KCNQ5: variants seen among roughly 807,000 people sequenced by gnomAD.
KCNQ5 encodes potassium voltage-gated channel subfamily Q member 5.
KCNQ5 carries 30 observed loss-of-function variants against 98.2 expected under a neutral mutation model. The observed-to-expected ratio is 0.31, with a 90% CI of 0.23 to 0.41. The LOEUF (loss-of-function observed/expected upper bound fraction) is 0.41. KCNQ5 is among the 10% of genes least tolerant of loss of function. The pLI is 1.00. For missense variants in KCNQ5, 835 were observed against 1,182.5 expected (o/e 0.71, Z 4.31); for synonymous variants, 458 against 449.4 (o/e 1.02, Z -0.24).
At chr6:72,786,042 T>A (rs1007395038) in intron 1 of KCNQ5, among the ~76,000 whole-genome samples, 13 of 152,234 alleles carry the variant, frequency 8.5e-5, no homozygotes, top group Non-Finnish European at 8.8e-5. Flanking sequence ...AAATTAATTT[T>A]AATAATAGAT....
rs146125089 is a variant in KCNQ5 at position 72,746,260 on chromosome 6, A to G, written c.398+123673A>G. Among the ~76,000 whole-genome samples the G allele has an allele frequency of 1.9e-3, 285 of 152,238 alleles. 2 individuals are homozygous for G. Among genetic ancestry groups the G allele is most frequent in the Admixed American group, 0.013 (197 of 15,278 alleles). On this transcript the variant is annotated intron_variant, in intron 1 of 13. Transcript: ENST00000370398. Reference sequence around the variant, plus strand: ...CCCTCCCAGCCCAGAAATTTATGCCAGTTACTAATTTCATCAAGATTATTC... The same window carrying G: ...CCCTCCCAGCCCAGAAATTTATGCCGGTTACTAATTTCATCAAGATTATTC...
chr6:72,672,598 T>C (rs1565072127), intron 1 of KCNQ5, among the ~76,000 whole-genome samples: 2 of 152,146 alleles, frequency 1.3e-5, no homozygotes, highest in Admixed American at 6.5e-5. Flanking sequence ...TCTGGCTATA[T>C]ATGCTTTGGA....
At position 73,197,630 on chromosome 6, in the gene KCNQ5, CACACACACA is replaced by C. The variant is rs535846259; in HGVS notation, c.*2217_*2225del. On this transcript the variant is annotated 3_prime_UTR_variant, in exon 14 of 14. Coordinates refer to ENST00000370398, the MANE Select transcript of KCNQ5 (RefSeq NM_019842.4). ...ACACACACACACACACACACACACA[CACACACACA>C]CACCCCTCCACTGACCTAAAGCCAG... The C allele has an allele frequency of 8.5e-5, 10 of 117,170 alleles. No homozygotes were observed. Among genetic ancestry groups the C allele is most frequent in the African/African-American group, 2.4e-4 (8 of 32,782 alleles). The allele number at this position is 117,170 out of a possible 1,614,324, so 7.3% of individuals were successfully genotyped here.
At chr6:72,951,653 T>C (rs928848557) in intron 1 of KCNQ5, among the ~76,000 whole-genome samples, 2 of 152,188 alleles carry the variant, frequency 1.3e-5, no homozygotes, top group Non-Finnish European at 2.9e-5. Context: ...CTTTCAGTAA[T>C]TATAAAAGTA....
intron 1 of KCNQ5, among the ~76,000 whole-genome samples, chr6:72,903,112 A>G (rs970260219): frequency 2.0e-5 from 3 of 152,014 alleles, no homozygotes; most frequent in African/African-American, 7.2e-5. Context: ...TTTCTACTTT[A>G]TGCACGTAAA....
At chr6:72,939,770 A>G (rs185683887) in intron 1 of KCNQ5, among the ~76,000 whole-genome samples, 1 of 152,246 alleles carries the variant, frequency 6.6e-6, no homozygotes, top group Non-Finnish European at 1.5e-5. Context: ...AAACCTACCT[A>G]CACATCTCCC....
Position 73,042,062 on chromosome 6 carries a change from G to T in KCNQ5, c.616G>T (p.Asp206Tyr). ...TGCTCGAAAGCCCTTCTGTGTTATA[G>T]GTGAATATCAGAGTCTCAGATACCT... ...RFARKPFCVI[D>Y]TIVLIASIAV... Residue 206 changes from aspartate (D) to tyrosine (Y), a missense_variant and splice_region_variant, in exon 3 of 14, where the codon GAT becomes TAT. Asp to Tyr is a radical substitution (Grantham distance 160). Coordinates refer to ENST00000370398, the MANE Select transcript of KCNQ5 (RefSeq NM_019842.4). 1 of 1,613,736 alleles carries T rather than the reference G, an allele frequency of 6.2e-7. No individual in the cohort carries two copies. The highest frequency in any genetic ancestry group is 8.5e-7 in the Non-Finnish European group (1 of 1,179,704).
At chr6:72,923,811 C>A (rs542095032) in intron 1 of KCNQ5, among the ~76,000 whole-genome samples, 2 of 152,224 alleles carry the variant, frequency 1.3e-5, no homozygotes, top group East Asian at 3.9e-4. Flanking sequence ...GTTTTTTGTT[C>A]CTGCATTAGT....
chr6:72,848,692 T>C (rs988979143), intron 1 of KCNQ5, among the ~76,000 whole-genome samples: 20 of 152,064 alleles, frequency 1.3e-4, no homozygotes, highest in African/African-American at 4.8e-4. Flanking sequence ...ATGACTCCAC[T>C]CCACTATGAA....
intron 1 of KCNQ5, among the ~76,000 whole-genome samples, chr6:72,756,672 T>C (rs1047630926): frequency 6.6e-6 from 1 of 152,044 alleles, no homozygotes; most frequent in African/African-American, 2.4e-5. Flanking sequence ...TTGGGAGATA[T>C]TTGGGGGTGA....
chr6:72,947,765 A>T (rs1167709038), intron 1 of KCNQ5, among the ~76,000 whole-genome samples: 3 of 152,134 alleles, frequency 2.0e-5, no homozygotes, highest in African/African-American at 4.8e-5. Context: ...TATTCTGTCA[A>T]ATATTAAATT....
intron 1 of KCNQ5, among the ~76,000 whole-genome samples, chr6:72,972,509 A>G (rs1430106841): frequency 1.3e-5 from 2 of 151,236 alleles, no homozygotes; most frequent in Non-Finnish European, 2.9e-5. Flanking sequence ...CTACCCCCCA[A>G]CAAGCCCTGG....
intron 1 of KCNQ5, chr6:72,987,177 GAGCAGCCA>G: frequency 1.5e-6 from 1 of 682,962 alleles, no homozygotes; most frequent in Non-Finnish European, 2.7e-6. Context: ...CAAGAAGGTA[GAGCAGCCA>G]ATCATTGAGG....
chr6:72,874,323 A>G (rs1366378352), intron 1 of KCNQ5, among the ~76,000 whole-genome samples: 1 of 152,150 alleles, frequency 6.6e-6, no homozygotes, highest in African/African-American at 2.4e-5. Flanking sequence ...GAATTCATTC[A>G]TCTACCTAGA....
chr6:72,628,168 T>C (rs901514416), intron 1 of KCNQ5, among the ~76,000 whole-genome samples: 1 of 152,236 alleles, frequency 6.6e-6, no homozygotes, highest in African/African-American at 2.4e-5. Flanking sequence ...TAATTTTTCT[T>C]ATAAGCCTTC....
chr6:72,947,293 T>G (rs1454646372), intron 1 of KCNQ5, among the ~76,000 whole-genome samples: 2 of 152,220 alleles, frequency 1.3e-5, no homozygotes, highest in Non-Finnish European at 2.9e-5. Flanking sequence ...CAGGCAGTTT[T>G]TAATTTACTC....
intron 11 of KCNQ5, among the ~76,000 whole-genome samples, chr6:73,182,511 C>T (rs1778437872): frequency 6.6e-6 from 1 of 152,328 alleles, no homozygotes; most frequent in Middle Eastern, 3.4e-3. Context: ...TCCCCTACTC[C>T]TCTGGTCTCC....
chr6:73,025,623 C>CAAAAAAA (rs58607159), intron 2 of KCNQ5, among the ~76,000 whole-genome samples: 3 of 53,016 alleles, frequency 5.7e-5, no homozygotes, highest in Non-Finnish European at 5.5e-5. Flanking sequence ...AACTCCATCT[C>CAAAAAAA]AAAAAAAAAA....
At chr6:72,956,443 G>T (rs1377299581) in intron 1 of KCNQ5, among the ~76,000 whole-genome samples, 1 of 150,694 alleles carries the variant, frequency 6.6e-6, no homozygotes, top group African/African-American at 2.4e-5. Flanking sequence ...GAGGGCTGGG[G>T]GGAAGATTTA....
Sources: allele counts gnomAD v4.1 joint callset (sites outside exome capture counted in the v4.1 genomes callset), GRCh38; gene constraint gnomAD v4.1.1; transcripts MANE v1.5; gene names NCBI Gene and HGNC (gene_info 2026-07-23, HGNC 2026-07-21).